Variants in OR52N5 observed in about 807,000 individuals in gnomAD.
OR52N5 encodes the protein olfactory receptor 52N5.
In OR52N5, 10 loss-of-function variants were observed where a neutral mutation model predicts 14.1. That is an observed-to-expected ratio of 0.71 (90% CI 0.44 to 1.20). The LOEUF (loss-of-function observed/expected upper bound fraction) is 1.20. Among genes scored for constraint, OR52N5 ranks in the 50% most tolerant of loss-of-function variants. The pLI is 0.00. For synonymous variants in OR52N5, 116 were observed against 143.0 expected, an observed-to-expected ratio of 0.81 and a Z score of 1.35; for missense variants, 361 against 403.2, an observed-to-expected ratio of 0.90 and a Z score of 0.90.
chr11:5,779,197 T>C (rs1273560698), intron 2 of OR52N5, among the ~76,000 whole-genome samples: 1 of 140,284 alleles, frequency 7.1e-6, no homozygotes, highest in Admixed American at 7.4e-5. Context: ...TTTATGTCAC[T>C]CTCCAAGCCT....
rs558040343 is a variant in OR52N5, at chr11:5,780,566, T to C, written c.-24+967A>G. 1.8e-4 allele frequency among the ~76,000 whole-genome samples: 25 copies of C among 137,968 alleles called. 4 individuals carry two copies. Among genetic ancestry groups the C allele is most frequent in the African/African-American group, 5.8e-4 (22 of 37,798 alleles). The allele number at this position is 137,968 out of a possible 152,430, so 90.5% of individuals were successfully genotyped here. ...AAAGAGAAAACTCAAATAAATAAAATGAAAATGAAAAAGGAGACATTACAA... is the reference window on the plus strand; with the variant it reads ...AAAGAGAAAACTCAAATAAATAAAACGAAAATGAAAAAGGAGACATTACAA... On this transcript the variant is annotated intron_variant, in intron 2 of 2. Transcript: ENST00000641181.
chr11:5,777,967 A>T lies in OR52N5; in HGVS notation c.668T>A (p.Ile223Lys). Reference protein sequence around the residue: ...LLIGVFDICCISLSYTLILKA... With the variant: ...LLIGVFDICCKSLSYTLILKA... Reference sequence around the variant, plus strand: ...GAGGATCAAAGTGTAAGACAAAGATATACAACAAATGTCAAACACTCCAAT... The same window carrying T: ...GAGGATCAAAGTGTAAGACAAAGATTTACAACAAATGTCAAACACTCCAAT... Residue 223 changes from isoleucine to lysine, a missense_variant, in exon 3 of 3, where the codon ATA becomes AAA. By Grantham distance (102) the Ile-to-Lys change is moderately radical. Transcript: ENST00000641181. 1 of 1,519,938 alleles carries T rather than the reference A, an allele frequency of 6.6e-7. No homozygotes were observed. The highest frequency in any genetic ancestry group is 9.0e-7 in the Non-Finnish European group (1 of 1,112,930). The allele number at this position is 1,519,938 out of a possible 1,614,324, so 94.2% of individuals were successfully genotyped here.
chr11:5,778,491 C>T lies in OR52N5; in HGVS notation c.144G>A (p.Val48=), dbSNP rs1204612048. ...TGAGGTACACAAGACCAAGATTCCC[C>T]ACAAGGAAGATGATGTACATTGTGC... is the stretch of plus-strand genomic sequence containing the variant. ...PLCTMYIIFL[V]GNLGLVYLIY... is the part of the protein sequence containing the mutation. Residue 48 remains valine (V), a synonymous_variant, in exon 3 of 3, where the codon GTG becomes GTA. Transcript: ENST00000641181. 9 of 1,518,050 alleles carry T rather than the reference C, an allele frequency of 5.9e-6. 1 individual carries two copies. In the East Asian group the frequency reaches 2.1e-4, roughly 35 times the overall value. The allele number at this position is 1,518,050 out of a possible 1,614,324, so 94.0% of individuals were successfully genotyped here.
chr11:5,778,015 T>C lies in OR52N5; in HGVS notation c.620A>G (p.Tyr207Cys), dbSNP rs1272815774. The C allele has an allele frequency of 2.6e-6, 4 of 1,520,786 alleles. 1 individual carries two copies. The highest frequency in any genetic ancestry group is 1.8e-6 in the Non-Finnish European group (2 of 1,113,926). 94.2% of individuals were successfully genotyped at this position (1,520,786 alleles called of 1,614,324 possible). Residue 207 changes from tyrosine (Y) to cysteine (C), a missense_variant, in exon 3 of 3, where the codon TAT becomes TGT. Coordinates refer to ENST00000641181, the MANE Select transcript of OR52N5 (RefSeq NM_001385662.1). ...AATCAGGAGAGCAACCATTAGACCA[T>C]AGATTACATTGACCTTGATGCTGGC... ...SCASIKVNVIYGLMVALLIGV... is the reference protein window; with the variant it reads ...SCASIKVNVICGLMVALLIGV...
Position 5,777,502 on chromosome 11 carries a change from G to C in OR52N5, c.*158C>G. The C allele has an allele frequency of 1.9e-6, 1 of 527,564 alleles. No individual in the cohort carries two copies. The highest frequency in any genetic ancestry group is 3.0e-6 in the Non-Finnish European group (1 of 331,318). The allele number at this position is 527,564 out of a possible 1,614,324, so 32.7% of individuals were successfully genotyped here. On this transcript the variant is annotated 3_prime_UTR_variant, in exon 3 of 3. Coordinates refer to ENST00000641181, the MANE Select transcript of OR52N5 (RefSeq NM_001385662.1). ...GGAAAGGCACTGAGATATACATCCA[G>C]AATGGGCTATAAATTTCCCCAAAAC...
chr11:5,778,581 T>C lies in OR52N5; in HGVS notation c.54A>G (p.Pro18=). ...CAGGTATTCCATTAAGAATAAAAGA[T>C]GGAGGAGTCACATGAATTGTTGGAA... The part of the protein sequence containing the change: ...CWFPTIHVTP[P]SFILNGIPGL... Residue 18 remains proline (P), a synonymous_variant, in exon 3 of 3, where the codon CCA becomes CCG. Transcript: ENST00000641181. The C allele has an allele frequency of 6.7e-7, 1 of 1,486,634 alleles. No individual in the cohort carries two copies. Among genetic ancestry groups the C allele is most frequent in the Non-Finnish European group, 9.2e-7 (1 of 1,088,186 alleles). 92.1% of individuals were successfully genotyped at this position (1,486,634 alleles called of 1,614,324 possible).
intron 1 of OR52N5, among the ~76,000 whole-genome samples, chr11:5,782,341 A>C (rs1173956132): frequency 7.1e-6 from 1 of 140,000 alleles, no homozygotes. Context: ...TTTGCATATC[A>C]ACTCCAATAT....
At position 5,778,016 on chromosome 11, in the gene OR52N5, A is replaced by G; in HGVS notation, c.619T>C (p.Tyr207His). The G allele has an allele frequency of 6.6e-7, 1 of 1,521,346 alleles. No homozygotes were observed. The highest frequency in any genetic ancestry group is 2.3e-5 in the East Asian group (1 of 42,902). The allele number at this position is 1,521,346 out of a possible 1,614,324, so 94.2% of individuals were successfully genotyped here. A position where few individuals can be genotyped will look rare whatever the true frequency, so the allele number is the denominator to read the frequency against. ...ATCAGGAGAGCAACCATTAGACCAT[A>G]GATTACATTGACCTTGATGCTGGCA... ...SCASIKVNVI[Y>H]GLMVALLIGV... Residue 207 changes from tyrosine to histidine, a missense_variant, in exon 3 of 3, where the codon TAT becomes CAT. By Grantham distance (83) the Tyr-to-His change is moderately conservative. Coordinates refer to ENST00000641181, the MANE Select transcript of OR52N5 (RefSeq NM_001385662.1).
chr11:5,778,436 T>G lies in OR52N5; in HGVS notation c.199A>C (p.Met67Leu). 1 of 1,513,904 alleles carries G rather than the reference T, an allele frequency of 6.6e-7. No homozygotes were observed. Among genetic ancestry groups the G allele is most frequent in the Non-Finnish European group, 9.0e-7 (1 of 1,109,348 alleles). The allele number at this position is 1,513,904 out of a possible 1,614,324, so 93.8% of individuals were successfully genotyped here. A position where few individuals can be genotyped will look rare whatever the true frequency, so the allele number is the denominator to read the frequency against. Residue 67 changes from methionine (M) to leucine (L), a missense_variant, in exon 3 of 3, where the codon ATG becomes CTG. Met to Leu is a conservative substitution (Grantham distance 15). Coordinates refer to ENST00000641181, the MANE Select transcript of OR52N5 (RefSeq NM_001385662.1). Reference protein sequence around the residue: ...IYYEESLHHPMYFFFGHALSL... With the variant: ...IYYEESLHHPLYFFFGHALSL... ...AGAGCATGGCCAAAAAAAAAATACA[T>G]CGGATGATGTAAGGACTCCTCATAA...
chr11:5,777,954 G>C lies in OR52N5; in HGVS notation c.681C>G (p.Tyr227Ter), dbSNP rs778533013. 2.6e-6 allele frequency: 4 copies of C among 1,520,958 alleles called. 2 individuals carry two copies. The African/African-American group carries it at 5.7e-5, about 22-fold the overall frequency. The allele number at this position is 1,520,958 out of a possible 1,614,324, so 94.2% of individuals were successfully genotyped here. Residue 227 changes from tyrosine to a stop codon, truncating the protein, a stop_gained, in exon 3 of 3, where the codon TAC becomes TAG. Transcript: ENST00000641181. LOFTEE classifies it high-confidence loss of function. ...TGATCGCTGCCTTGAGGATCAAAGTGTAAGACAAAGATATACAACAAATGT... is the reference window on the plus strand; with the variant it reads ...TGATCGCTGCCTTGAGGATCAAAGTCTAAGACAAAGATATACAACAAATGT... ...VFDICCISLS[Y>*]TLILKAAISL...
At position 5,776,870 on chromosome 11, in the gene OR52N5, A is replaced by T. The variant is rs1354116074; in HGVS notation, c.*790T>A. ...CAGGTATCTGGTATCTCTTCAACATATTGTTTTTCTTTTTTTGGATATATA... is the reference window on the plus strand; with the variant it reads ...CAGGTATCTGGTATCTCTTCAACATTTTGTTTTTCTTTTTTTGGATATATA... On this transcript the variant is annotated 3_prime_UTR_variant, in exon 3 of 3. Coordinates refer to ENST00000641181, the MANE Select transcript of OR52N5 (RefSeq NM_001385662.1). The T allele has an allele frequency of 7.2e-6, 1 of 139,506 alleles. No homozygotes were observed. Among genetic ancestry groups the T allele is most frequent in the Admixed American group, 7.4e-5 (1 of 13,448 alleles). The allele number at this position is 139,506 out of a possible 1,614,324, so 8.6% of individuals were successfully genotyped here.
At position 5,776,805 on chromosome 11, in the gene OR52N5, C is replaced by T. The variant is rs1407902073; in HGVS notation, c.*855G>A. On this transcript the variant is annotated 3_prime_UTR_variant, in exon 3 of 3. Transcript: ENST00000641181. Reference sequence around the variant, plus strand: ...TGATGGACACAGGTTGATTTCATGTCTTGGCTATTGTGAACAATGTTGCAA... The same window carrying T: ...TGATGGACACAGGTTGATTTCATGTTTTGGCTATTGTGAACAATGTTGCAA... The T allele has an allele frequency of 1.4e-5, 2 of 140,248 alleles. No individual in the cohort carries two copies. The highest frequency in any genetic ancestry group is 3.2e-5 in the Non-Finnish European group (2 of 63,468). The allele number at this position is 140,248 out of a possible 1,614,324, so 8.7% of individuals were successfully genotyped here.
chr11:5,781,413 T>C (rs1056313299), intron 2 of OR52N5, 120 bp downstream of exon 2: 3 of 140,110 alleles, frequency 2.1e-5, no homozygotes, highest in African/African-American at 7.8e-5. Context: ...TGGTTACAAA[T>C]ACTATGCGGA....
intron 1 of OR52N5, among the ~76,000 whole-genome samples, chr11:5,782,973 T>C (rs2134227256): frequency 7.2e-6 from 1 of 138,216 alleles, no homozygotes; most frequent in Admixed American, 7.5e-5. Flanking sequence ...GTTCTTACTG[T>C]CCACTTCTCT....
Position 5,778,070 on chromosome 11 carries a change from C to T in OR52N5, c.565G>A (p.Asp189Asn), listed in dbSNP as rs147260780. 6.6e-7 allele frequency: 1 copy of T among 1,518,248 alleles called. No individual in the cohort carries two copies. Among genetic ancestry groups the T allele is most frequent in the Non-Finnish European group, 9.0e-7 (1 of 1,111,574 alleles). The allele number at this position is 1,518,248 out of a possible 1,614,324, so 94.0% of individuals were successfully genotyped here. A position where few individuals can be genotyped will look rare whatever the true frequency, so the allele number is the denominator to read the frequency against. The change falls in exon 3 of 3, where the codon GAC becomes AAC. Residue 189 changes from aspartate (D) to asparagine (N), a missense_variant. Transcript: ENST00000641181. ...GATAGCTTTACTACAGACATGTGGT[C>T]GCAGTACGTATGGGAGATAATATTG... Reference protein sequence around the residue: ...QSNIISHTYCDHMSVVKLSCA... With the variant: ...QSNIISHTYCNHMSVVKLSCA...
rs200038413 is a variant in OR52N5 at position 5,780,531 on chromosome 11, A to AG, written c.-24+1001dup. Among the ~76,000 whole-genome samples the AG allele has an allele frequency of 2.9e-5, 4 of 139,102 alleles. 1 individual carries two copies. The Admixed American group carries it at 3.0e-4, about 10-fold the overall frequency. 91.3% of individuals were successfully genotyped at this position (139,102 alleles called of 152,430 possible). Reference sequence around the variant, plus strand: ...AACAAACATTTAGCTAGATTAACTGAGGGGGGAAAAAAGAGAAAACTCAAA... The same window carrying AG: ...AACAAACATTTAGCTAGATTAACTGAGGGGGGGAAAAAAGAGAAAACTCAAA... On this transcript the variant is annotated intron_variant, in intron 2 of 2. Coordinates refer to ENST00000641181, the MANE Select transcript of OR52N5 (RefSeq NM_001385662.1).
Position 5,782,213 on chromosome 11 carries a change from T to A in OR52N5, c.-247-457A>T, listed in dbSNP as rs1345811186. Among the ~76,000 whole-genome samples the A allele has an allele frequency of 6.5e-5, 9 of 139,498 alleles. 1 individual carries two copies. The highest frequency in any genetic ancestry group is 2.3e-4 in the South Asian group (1 of 4,270). The allele number at this position is 139,498 out of a possible 152,430, so 91.5% of individuals were successfully genotyped here. The stretch of plus-strand genomic sequence containing the variant: ...ATATTTCATTTGTAAAATTAAAAAA[T>A]ATATATATATTATCGACTGTATCTG... On this transcript the variant is annotated intron_variant, in intron 1 of 2. Transcript: ENST00000641181.
intron 2 of OR52N5, among the ~76,000 whole-genome samples, chr11:5,780,826 G>A (rs1182536814): frequency 1.4e-5 from 2 of 139,502 alleles, no homozygotes; most frequent in Admixed American, 1.5e-4. Context: ...AATGGTGTTG[G>A]GAAAACTGAA....
chr11:5,776,348 C>A lies in OR52N5; in HGVS notation c.*1312G>T, dbSNP rs1318503131. On this transcript the variant is annotated 3_prime_UTR_variant, in exon 3 of 3. Coordinates refer to ENST00000641181, the MANE Select transcript of OR52N5 (RefSeq NM_001385662.1). ...ATTTCACCAATTGGTTGACATTTAA[C>A]TGGGAAAGCCATACCATATACCAAC... The A allele has an allele frequency of 1.4e-5, 2 of 140,428 alleles. No individual in the cohort carries two copies. The highest frequency in any genetic ancestry group is 3.2e-5 in the Non-Finnish European group (2 of 63,406). 8.7% of individuals were successfully genotyped at this position (140,428 alleles called of 1,614,324 possible). A position where few individuals can be genotyped will look rare whatever the true frequency, so the allele number is the denominator to read the frequency against.
Sources: allele counts gnomAD v4.1 joint callset (sites outside exome capture counted in the v4.1 genomes callset), GRCh38; gene constraint gnomAD v4.1.1; transcripts MANE v1.5; gene names NCBI Gene and HGNC (gene_info 2026-07-23, HGNC 2026-07-21).